DENND1C: variants seen among roughly 807,000 people sequenced by gnomAD.
DENND1C encodes the protein DENN domain-containing protein 1C.
A neutral mutation model predicts 87.9 loss-of-function variants in DENND1C; 64 were observed. The ratio of observed to expected loss-of-function variants is 0.73; its 90% confidence interval spans 0.60 to 0.90. The LOEUF is 0.90. Among genes scored for constraint, DENND1C ranks in the 40% least tolerant of loss-of-function variants. DENND1C has a pLI of 0.00. For missense variants in DENND1C, 980 were observed against 1,037.0 expected, an observed-to-expected ratio of 0.95 and a Z score of 0.76; for synonymous variants, 384 against 424.4, an observed-to-expected ratio of 0.90 and a Z score of 1.17.
At chr19:6,469,891 C>T in intron 18 of DENND1C, 1 of 536,764 alleles carries the variant, frequency 1.9e-6, no homozygotes, top group Non-Finnish European at 3.3e-6. Context: ...GCAAGGTGTT[C>T]CTGTTTCAAA....
intron 14 of DENND1C, among the ~76,000 whole-genome samples, chr19:6,473,301 C>G (rs189098283): frequency 6.6e-6 from 1 of 151,980 alleles, no homozygotes; most frequent in Admixed American, 6.6e-5. Context: ...ACTACAGGCA[C>G]GTGCCACCAT....
In DENND1C at chr19:6,471,148, G is replaced by A. The variant is rs1200935750; in HGVS notation, c.1290+117C>T. On this transcript the variant is annotated intron_variant, in intron 17 of 22. Transcript: ENST00000381480. Reference sequence around the variant, plus strand: ...TTCAGTAGAGATGGGGTTTCGTCACGTTGCCCTAACCGGTCTCAAACTTCT... The same window carrying A: ...TTCAGTAGAGATGGGGTTTCGTCACATTGCCCTAACCGGTCTCAAACTTCT... 17 of 1,394,920 alleles carry A rather than the reference G, an allele frequency of 1.2e-5. 1 individual carries two copies. The highest frequency in any genetic ancestry group is 3.8e-5 in the South Asian group (3 of 79,890). 86.4% of individuals were successfully genotyped at this position (1,394,920 alleles called of 1,614,324 possible).
intron 19 of DENND1C, chr19:6,469,329 CCA>C (rs1172901913): frequency 1.2e-5 from 6 of 506,744 alleles, no homozygotes; most frequent in African/African-American, 5.8e-5. Context: ...CCGTGCCCAG[CCA>C]CAGTCTTCTT....
chr19:6,477,269 C>G lies in DENND1C; in HGVS notation c.462G>C (p.Thr154=), dbSNP rs778470389. 3 of 1,586,608 alleles carry G rather than the reference C, an allele frequency of 1.9e-6. No homozygotes were observed. In the Admixed American group the frequency reaches 5.3e-5, roughly 28 times the overall value. ...SVGLELGSGV[T]VSSGQGIPPP... The stretch of plus-strand genomic sequence containing the variant: ...GGGGGATACCCTGCCCGCTGGAGAC[C>G]GTCACTCCGCTGCCCTGGGGAAGAG... Residue 154 remains threonine, a synonymous_variant, in exon 8 of 23, where the codon ACG becomes ACC. Coordinates refer to ENST00000381480, the MANE Select transcript of DENND1C (RefSeq NM_024898.4).
At chr19:6,473,035 T>C in intron 14 of DENND1C, 42 bp from the exon 15 acceptor site, 1 of 1,366,456 alleles carries the variant, frequency 7.3e-7, no homozygotes, top group Non-Finnish European at 9.7e-7. Flanking sequence ...GGGGTGCTCC[T>C]GGCCCTCCCT....
At position 6,467,382 on chromosome 19, in the gene DENND1C, T is replaced by G. The variant is rs1599373075; in HGVS notation, c.*122A>C. 1 of 1,302,088 alleles carries G rather than the reference T, an allele frequency of 7.7e-7. No homozygotes were observed. The highest frequency in any genetic ancestry group is 1.0e-6 in the Non-Finnish European group (1 of 990,294). 80.7% of individuals were successfully genotyped at this position (1,302,088 alleles called of 1,614,324 possible). On this transcript the variant is annotated 3_prime_UTR_variant, in exon 23 of 23. Coordinates refer to ENST00000381480, the MANE Select transcript of DENND1C (RefSeq NM_024898.4). ...GAGGCTGCCCTTGGAGGGACAGAGG[T>G]GGGTGGGATGGATTTCCGAGCAGAG... is the stretch of plus-strand genomic sequence containing the variant.
intron 10 of DENND1C, 197 bp from the exon 11 acceptor site, chr19:6,476,134 A>T (rs768127760): frequency 3.4e-6 from 2 of 583,786 alleles, no homozygotes; most frequent in Non-Finnish European, 3.0e-6. Flanking sequence ...AAGCGGGTGA[A>T]GCCAGGACTC....
Position 6,479,020 on chromosome 19 carries a change from G to A in DENND1C, c.213C>T (p.Phe71=), listed in dbSNP as rs748892177. The A allele has an allele frequency of 6.2e-6, 10 of 1,613,850 alleles. No individual in the cohort carries two copies. Among genetic ancestry groups the A allele is most frequent in the East Asian group, 2.2e-5 (1 of 44,890 alleles). ...PPSPAVQHFT[F]ALTDLAGNRR... ...GGTTGCCGGCAAGGTCTGTGAGGGCGAAGGTGAAATGCTGCACGGCGGGGC... is the reference window on the plus strand; with the variant it reads ...GGTTGCCGGCAAGGTCTGTGAGGGCAAAGGTGAAATGCTGCACGGCGGGGC... The change falls in exon 5 of 23, where the codon TTC becomes TTT. Residue 71 remains phenylalanine (F), a synonymous_variant. Transcript: ENST00000381480.
At position 6,471,461 on chromosome 19, in the gene DENND1C, C is replaced by T. The variant is rs765609470; in HGVS notation, c.1194G>A (p.Gly398=). 3.8e-6 allele frequency: 6 copies of T among 1,579,942 alleles called. No homozygotes were observed. In the South Asian group the frequency reaches 4.6e-5, roughly 12 times the overall value. Residue 398 remains glycine, a synonymous_variant, in exon 16 of 23, where the codon GGG becomes GGA. Coordinates refer to ENST00000381480, the MANE Select transcript of DENND1C (RefSeq NM_024898.4). ...IEARLEKLNK[G]EGFSDQFEQE... The stretch of plus-strand genomic sequence containing the variant: ...GCTCGAATTGATCTGAGAAGCCCTC[C>T]CCCTTGTTGAGCTTCTCCAGCCGGG...
intron 10 of DENND1C, chr19:6,476,195 C>G (rs2145201780): frequency 4.1e-6 from 2 of 484,820 alleles, no homozygotes; most frequent in East Asian, 3.7e-5. Context: ...GGCAACACCC[C>G]TGAGTCTTCC....
intron 1 of DENND1C, 112 bp downstream of exon 1, chr19:6,481,567 T>C (rs2145223464): frequency 6.7e-7 from 1 of 1,495,060 alleles, no homozygotes; most frequent in Non-Finnish European, 9.1e-7. Context: ...CCACCTGCCC[T>C]GGCAGGTCAC....
intron 14 of DENND1C, among the ~76,000 whole-genome samples, chr19:6,473,816 G>GGGGGGGGGGGGA (rs1231177042): frequency 1.9e-4 from 25 of 131,532 alleles, no homozygotes; most frequent in Non-Finnish European, 3.0e-4. Context: ...GGGGGGTGGG[G>GGGGGGGGGGGGA]GGAGGGAAAT....
chr19:6,469,243 C>T (rs566785507), intron 19 of DENND1C, among the ~76,000 whole-genome samples: 1 of 152,034 alleles, frequency 6.6e-6, no homozygotes, highest in Non-Finnish European at 1.5e-5. Context: ...GTTGGTCGGG[C>T]TGGTCTAGAA....
In DENND1C at chr19:6,468,405, C is replaced by T. The variant is rs780198110; in HGVS notation, c.1620G>A (p.Pro540=). ...TGCTGTCCAGAGCTTCTTCTGCCCA[C>T]GGGCACCCCTCATCCTCAGGGCTCA... ...PPLSPEDEGC[P]WAEEALDSSF... The change falls in exon 22 of 23, where the codon CCG becomes CCA. Residue 540 remains proline, a synonymous_variant. Transcript: ENST00000381480. 1.8e-5 allele frequency: 29 copies of T among 1,613,624 alleles called. No individual in the cohort carries two copies. The highest frequency in any genetic ancestry group is 1.2e-4 in the Admixed American group (7 of 59,956).
rs111724005 is a variant in DENND1C at position 6,467,706 on chromosome 19, A to G, written c.2204T>C (p.Leu735Pro). Residue 735 changes from leucine to proline, a missense_variant, in exon 23 of 23, where the codon CTT becomes CCT. Coordinates refer to ENST00000381480, the MANE Select transcript of DENND1C (RefSeq NM_024898.4). Reference sequence around the variant, plus strand: ...AGAACTGGGGTCTGAGGAAGGATCAAGGGGCTGGGACGTCCAGGCTATATC... The same window carrying G: ...AGAACTGGGGTCTGAGGAAGGATCAGGGGGCTGGGACGTCCAGGCTATATC... ...NFDIAWTSQP[L>P]DPSSDPSSLE... 1,116 of 1,520,648 alleles carry G rather than the reference A, an allele frequency of 7.3e-4. 11 individuals are homozygous for G. The African/African-American group carries it at 0.014, about 19-fold the overall frequency. The allele number at this position is 1,520,648 out of a possible 1,614,324, so 94.2% of individuals were successfully genotyped here.
intron 10 of DENND1C, 84 bp from the exon 11 acceptor site, chr19:6,476,021 G>A: frequency 2.4e-6 from 3 of 1,245,936 alleles, no homozygotes; most frequent in Non-Finnish European, 3.3e-6. Context: ...CACGTCCCCA[G>A]TCTCCTGTTC....
intron 15 of DENND1C, among the ~76,000 whole-genome samples, chr19:6,472,539 C>T (rs1448249336): frequency 2.6e-5 from 4 of 152,104 alleles, no homozygotes; most frequent in Non-Finnish European, 2.9e-5. Flanking sequence ...TATAGGCGCA[C>T]GCCACCACGC....
intron 1 of DENND1C, chr19:6,480,561 CCTATCTATCTATCTATCTAT>C (rs71174917): frequency 0.012 from 1,454 of 125,798 alleles, 31 homozygotes; most frequent in African/African-American, 0.048. Flanking sequence ...CACCCACCCA[CCTATCTATCTATCTATCTAT>C]CTATCTATCT....
chr19:6,481,738 TC>T lies in DENND1C; in HGVS notation c.-44del. The T allele has an allele frequency of 6.6e-7, 1 of 1,524,546 alleles. No individual in the cohort carries two copies. 94.4% of individuals were successfully genotyped at this position (1,524,546 alleles called of 1,614,324 possible). ...CCCAGCGGGGCCCTCTCCCCAGGGG[TC>T]CTGGGGGCCTGTGTATGCTGGGCCC... On this transcript the variant is annotated 5_prime_UTR_variant, in exon 1 of 23. Transcript: ENST00000381480.
Sources: allele counts gnomAD v4.1 joint callset (sites outside exome capture counted in the v4.1 genomes callset), GRCh38; gene constraint gnomAD v4.1.1; transcripts MANE v1.5; gene names NCBI Gene and HGNC (gene_info 2026-07-23, HGNC 2026-07-21).